NAV2: variants seen among roughly 807,000 people sequenced by gnomAD.
NAV2 encodes the protein helicase, APC down-regulated 1.
A neutral mutation model predicts 223.2 loss-of-function variants in NAV2; 54 were observed. The ratio of observed to expected loss-of-function variants is 0.24; its 90% CI spans 0.19 to 0.30. NAV2 has a LOEUF of 0.30. NAV2 is among the 10% of genes least tolerant of loss of function. NAV2 has a pLI of 1.00. For missense variants in NAV2, 2,806 were observed against 3,147.5 expected (o/e 0.89, Z 2.60); for synonymous variants, 1,279 against 1,239.3 (o/e 1.03, Z -0.67).
chr11:19,568,120 A>G (rs879718353), intron 1 of NAV2, among the ~76,000 whole-genome samples: 2 of 152,222 alleles, frequency 1.3e-5, no homozygotes, highest in Non-Finnish European at 2.9e-5. Flanking sequence ...TCAGAGAACC[A>G]GTGCCTGTGC....
At chr11:19,356,276 G>T (rs568368099) in intron 1 of NAV2, among the ~76,000 whole-genome samples, 59 of 152,322 alleles carry the variant, frequency 3.9e-4, no homozygotes, top group African/African-American at 6.0e-4. Flanking sequence ...ATAGGGTCAG[G>T]GGGGAGGATG....
At chr11:19,463,386 C>T (rs1852233658) in intron 1 of NAV2, among the ~76,000 whole-genome samples, 1 of 152,214 alleles carries the variant, frequency 6.6e-6, no homozygotes, top group Admixed American at 6.5e-5. Flanking sequence ...TAATCCCATG[C>T]CTGTGTCAGA....
chr11:20,102,017 G>T (rs1312898662), intron 32 of NAV2, among the ~76,000 whole-genome samples: 2 of 152,114 alleles, frequency 1.3e-5, no homozygotes, highest in East Asian at 1.9e-4. Flanking sequence ...TATTTCACTA[G>T]GTTGTTTGAG....
At position 20,049,981 on chromosome 11, in the gene NAV2, G is replaced by A. The variant is rs563811327; in HGVS notation, c.4436+80G>A. ...CGTTGTCAAGCCAGATGTCTTGTGC[G>A]AGGCTGTTGGCCTAAGCCACCTGCT... On this transcript the variant is annotated intron_variant, in intron 16 of 37. Transcript: ENST00000349880. 490 of 1,401,168 alleles carry A rather than the reference G, an allele frequency of 3.5e-4. 9 individuals are homozygous for A. In the South Asian group the frequency reaches 5.1e-3, roughly 15 times the overall value. The allele number at this position is 1,401,168 out of a possible 1,614,324, so 86.8% of individuals were successfully genotyped here. A position where few individuals can be genotyped will look rare whatever the true frequency, so the allele number is the denominator to read the frequency against.
intron 1 of NAV2, among the ~76,000 whole-genome samples, chr11:19,557,032 A>G (rs2134720342): frequency 6.6e-6 from 1 of 152,370 alleles, no homozygotes; most frequent in East Asian, 1.9e-4. Flanking sequence ...TTTACATAAT[A>G]GACATGCATT....
intron 1 of NAV2, among the ~76,000 whole-genome samples, chr11:19,418,737 T>G (rs1850484929): frequency 1.3e-5 from 2 of 152,014 alleles, no homozygotes; most frequent in African/African-American, 4.8e-5. Flanking sequence ...CTTGGGGCAT[T>G]TTTCTAAGGG....
chr11:19,475,211 G>A (rs1347007020), intron 1 of NAV2, among the ~76,000 whole-genome samples: 3 of 152,244 alleles, frequency 2.0e-5, no homozygotes, highest in South Asian at 4.1e-4. Flanking sequence ...ATGAGCAACG[G>A]CGTGTGTAGC....
At chr11:20,091,052 C>T in intron 27 of NAV2, 34 bp downstream of exon 27, 1 of 1,605,790 alleles carries the variant, frequency 6.2e-7, no homozygotes. Context: ...GAGCTCAAGG[C>T]TGTCTATGAA....
At chr11:19,445,589 G>T (rs1164041359) in intron 1 of NAV2, among the ~76,000 whole-genome samples, 1 of 152,116 alleles carries the variant, frequency 6.6e-6, no homozygotes, top group Admixed American at 6.5e-5. Context: ...AGGGACTCTG[G>T]TCTCTCGAGC....
intron 1 of NAV2, among the ~76,000 whole-genome samples, chr11:19,747,858 C>T (rs1194961746): frequency 6.6e-6 from 1 of 152,172 alleles, no homozygotes; most frequent in Admixed American, 6.5e-5. Context: ...ACAGTGATCC[C>T]TTCTGGAAAC....
Position 20,118,277 on chromosome 11 carries a change from C to A in NAV2, c.*19C>A. 4 of 1,612,654 alleles carry A rather than the reference C, an allele frequency of 2.5e-6. No individual in the cohort carries two copies. The highest frequency in any genetic ancestry group is 3.4e-6 in the Non-Finnish European group (4 of 1,179,496). On this transcript the variant is annotated 3_prime_UTR_variant, in exon 38 of 38. Coordinates refer to ENST00000349880, the MANE Select transcript of NAV2 (RefSeq NM_145117.5). Reference sequence around the variant, plus strand: ...TCTGTGACAGGGGCCCGGAGCCCAGCGCCCTCCTCTTCTCCTCACCGCATT... The same window carrying A: ...TCTGTGACAGGGGCCCGGAGCCCAGAGCCCTCCTCTTCTCCTCACCGCATT...
At chr11:19,955,445 A>G (rs1184439366) in intron 10 of NAV2, among the ~76,000 whole-genome samples, 1 of 152,224 alleles carries the variant, frequency 6.6e-6, no homozygotes, top group African/African-American at 2.4e-5. Flanking sequence ...GGCAAGGCCA[A>G]CCATATTCCG....
chr11:19,807,315 C>A (rs2058625281), intron 1 of NAV2, among the ~76,000 whole-genome samples: 1 of 152,144 alleles, frequency 6.6e-6, no homozygotes, highest in African/African-American at 2.4e-5. Flanking sequence ...AAACAGCCGG[C>A]CTCCTCCACC....
At chr11:19,792,451 G>A (rs1411242712) in intron 1 of NAV2, among the ~76,000 whole-genome samples, 1 of 152,220 alleles carries the variant, frequency 6.6e-6, no homozygotes, top group Non-Finnish European at 1.5e-5. Flanking sequence ...AAATGAGAAT[G>A]GTTTTTCTGA....
chr11:19,763,813 CT>C (rs2054981967), intron 1 of NAV2, among the ~76,000 whole-genome samples: 1 of 149,434 alleles, frequency 6.7e-6, no homozygotes, highest in Non-Finnish European at 1.5e-5. Flanking sequence ...TTTTTTTTAC[CT>C]TTTTTGAAGT....
chr11:19,682,155 A>C (rs1417334147), intron 1 of NAV2, among the ~76,000 whole-genome samples: 2 of 152,134 alleles, frequency 1.3e-5, no homozygotes, highest in Non-Finnish European at 2.9e-5. Context: ...TACACCCTAC[A>C]CATTGCTCTG....
chr11:19,370,206 A>G (rs1463053923), intron 1 of NAV2, among the ~76,000 whole-genome samples: 5 of 152,230 alleles, frequency 3.3e-5, no homozygotes, highest in Admixed American at 6.5e-5. Context: ...TCAATTAATA[A>G]TGTACTCAAC....
At chr11:19,403,019 C>T (rs984754819) in intron 1 of NAV2, among the ~76,000 whole-genome samples, 6 of 152,200 alleles carry the variant, frequency 3.9e-5, no homozygotes, top group Non-Finnish European at 8.8e-5. Flanking sequence ...GCGCAAACTC[C>T]AGCTCAGCCA....
chr11:19,823,352 T>C (rs1281929957), intron 1 of NAV2, among the ~76,000 whole-genome samples: 1 of 152,152 alleles, frequency 6.6e-6, no homozygotes, highest in African/African-American at 2.4e-5. Context: ...GGATTATGGG[T>C]GCCTACCACC....
Sources: gnomAD v4.1 joint callset for allele counts (sites outside exome capture counted in the v4.1 genomes callset) on GRCh38, gnomAD v4.1.1 for gene constraint, MANE v1.5 for transcripts, NCBI Gene and HGNC (gene_info 2026-07-23, HGNC 2026-07-21) for gene names.